CACNG2: variants seen among roughly 807,000 people sequenced by gnomAD.
CACNG2 encodes voltage-dependent calcium channel gamma-2 subunit.
Under a neutral mutation model 25.9 loss-of-function variants are expected in CACNG2, and 3 were observed. The observed-to-expected ratio is 0.12, with a 90% CI of 0.05 to 0.30. The LOEUF (loss-of-function observed/expected upper bound fraction) is 0.30. Ranked by LOEUF, CACNG2 falls within the 10% of genes least tolerant of loss-of-function variation. The probability of loss-of-function intolerance (pLI) is 1.00; values close to 1 mark genes in which losing one functional copy is unlikely to be tolerated. For missense variants in CACNG2, 341 were observed against 432.5 expected (o/e 0.79, Z 1.88); for synonymous variants, 167 against 173.3 (o/e 0.96, Z 0.29).
At chr22:36,613,666 C>G (rs1010008064) in intron 1 of CACNG2, among the ~76,000 whole-genome samples, 2 of 152,076 alleles carry the variant, frequency 1.3e-5, no homozygotes, top group African/African-American at 2.4e-5. Flanking sequence ...TCCGTTTTCA[C>G]TTACATACTG....
intron 1 of CACNG2, among the ~76,000 whole-genome samples, chr22:36,679,202 C>G (rs1396919562): frequency 1.5e-5 from 1 of 66,246 alleles, no homozygotes; most frequent in East Asian, 5.7e-4. Context: ...TCCTTCCTTT[C>G]TTTCTTTCTT....
At chr22:36,660,154 C>G (rs1439068058) in intron 1 of CACNG2, among the ~76,000 whole-genome samples, 5 of 152,270 alleles carry the variant, frequency 3.3e-5, no homozygotes, top group African/African-American at 1.2e-4. Context: ...TTGTCCCTCA[C>G]TAGGCCGTGA....
At chr22:36,675,246 T>C (rs1028655753) in intron 1 of CACNG2, among the ~76,000 whole-genome samples, 3 of 152,136 alleles carry the variant, frequency 2.0e-5, no homozygotes, top group Non-Finnish European at 4.4e-5. Context: ...AGTCTCACTC[T>C]GTTGCCCAGG....
At chr22:36,613,825 C>T (rs1423469644) in intron 1 of CACNG2, among the ~76,000 whole-genome samples, 3 of 152,090 alleles carry the variant, frequency 2.0e-5, no homozygotes, top group Admixed American at 6.5e-5. Context: ...TATGCTGGCT[C>T]AATAATAAAT....
At chr22:36,598,864 A>C (rs539749856) in intron 1 of CACNG2, among the ~76,000 whole-genome samples, 45 of 152,154 alleles carry the variant, frequency 3.0e-4, no homozygotes, top group Admixed American at 2.6e-3. Flanking sequence ...CTGTAGTCCC[A>C]GCTACTCGGG....
chr22:36,585,924 G>C (rs1416576242), intron 2 of CACNG2, among the ~76,000 whole-genome samples: 1 of 152,248 alleles, frequency 6.6e-6, no homozygotes, highest in African/African-American at 2.4e-5. Flanking sequence ...AGCATTCATT[G>C]AGCTGTTATA....
At chr22:36,678,090 C>T (rs746900663) in intron 1 of CACNG2, among the ~76,000 whole-genome samples, 9 of 152,290 alleles carry the variant, frequency 5.9e-5, no homozygotes, top group Non-Finnish European at 1.3e-4. Context: ...GGTATTGAAT[C>T]TGGTGGTATG....
intron 1 of CACNG2, among the ~76,000 whole-genome samples, chr22:36,594,658 C>T (rs1935645189): frequency 6.6e-6 from 1 of 152,118 alleles, no homozygotes; most frequent in South Asian, 2.1e-4. Flanking sequence ...CCTGATGAAG[C>T]AGGGAGGGGT....
Position 36,703,276 on chromosome 22 carries a change from G to T in CACNG2, c.-700C>A. 1 of 155,780 alleles carries T rather than the reference G, an allele frequency of 6.4e-6. No homozygotes were observed. The highest frequency in any genetic ancestry group is 1.9e-4 in the East Asian group (1 of 5,364). 9.6% of individuals were successfully genotyped at this position (155,780 alleles called of 1,614,324 possible). On this transcript the variant is annotated 5_prime_UTR_variant, in exon 1 of 4. Coordinates refer to ENST00000300105, the MANE Select transcript of CACNG2 (RefSeq NM_006078.5). ...GCGGCGGCGGCGGCAGGGCGGGCAGGCGCGGCGGCGGCGGCGGCAGCAGGA... is the reference window on the plus strand; with the variant it reads ...GCGGCGGCGGCGGCAGGGCGGGCAGTCGCGGCGGCGGCGGCGGCAGCAGGA...
chr22:36,600,528 A>T (rs1198671099), intron 1 of CACNG2, among the ~76,000 whole-genome samples: 2 of 150,992 alleles, frequency 1.3e-5, no homozygotes, highest in African/African-American at 4.8e-5. Context: ...AATAGTCTTT[A>T]AAAAAGCTTG....
intron 1 of CACNG2, among the ~76,000 whole-genome samples, chr22:36,663,048 AGAGAG>A (rs1388346624): frequency 6.7e-6 from 1 of 148,826 alleles, no homozygotes; most frequent in African/African-American, 2.5e-5. Context: ...TAAAAAAAAA[AGAGAG>A]AGAGAGAGAC....
At chr22:36,620,454 CT>C (rs776398543) in intron 1 of CACNG2, among the ~76,000 whole-genome samples, 12 of 152,144 alleles carry the variant, frequency 7.9e-5, no homozygotes, top group Non-Finnish European at 1.8e-4. Context: ...GTATTTTTTC[CT>C]TTCCTTCAAA....
intron 1 of CACNG2, among the ~76,000 whole-genome samples, chr22:36,623,566 A>C (rs942844818): frequency 1.3e-5 from 2 of 152,160 alleles, no homozygotes; most frequent in African/African-American, 4.8e-5. Flanking sequence ...CAAGTGAGTT[A>C]GTACAAGAGT....
At chr22:36,686,860 C>T (rs1460199823) in intron 1 of CACNG2, among the ~76,000 whole-genome samples, 1 of 152,202 alleles carries the variant, frequency 6.6e-6, no homozygotes, top group South Asian at 2.1e-4. Flanking sequence ...GTCAACTTCC[C>T]TCTCTCATTT....
chr22:36,638,186 C>T (rs1459233609), intron 1 of CACNG2, among the ~76,000 whole-genome samples: 2 of 152,294 alleles, frequency 1.3e-5, no homozygotes, highest in Middle Eastern at 3.4e-3. Context: ...GCCTATGGCC[C>T]AGGCGACTCC....
intron 1 of CACNG2, among the ~76,000 whole-genome samples, chr22:36,589,624 A>G (rs558606745): frequency 1.1e-4 from 16 of 152,212 alleles, no homozygotes; most frequent in African/African-American, 3.6e-4. Context: ...CCATATCGGG[A>G]CTTCTGGTCG....
At chr22:36,566,981 A>G (rs1935137531) in intron 2 of CACNG2, among the ~76,000 whole-genome samples, 2 of 152,242 alleles carry the variant, frequency 1.3e-5, no homozygotes, top group Non-Finnish European at 2.9e-5. Flanking sequence ...AGGCAAAGTT[A>G]TGAGCTCCCT....
chr22:36,631,344 G>A (rs1368713374), intron 1 of CACNG2, among the ~76,000 whole-genome samples: 1 of 152,146 alleles, frequency 6.6e-6, no homozygotes, highest in African/African-American at 2.4e-5. Context: ...TCCCTGGGGT[G>A]CATGTGACCC....
intron 1 of CACNG2, among the ~76,000 whole-genome samples, chr22:36,642,428 A>G (rs1293021296): frequency 1.3e-5 from 2 of 152,198 alleles, no homozygotes; most frequent in Admixed American, 1.3e-4. Flanking sequence ...GGCTGTGTCA[A>G]AGGGAAGGAT....
Sources: gnomAD v4.1 joint callset for allele counts (sites outside exome capture counted in the v4.1 genomes callset) on GRCh38, gnomAD v4.1.1 for gene constraint, MANE v1.5 for transcripts, NCBI Gene and HGNC (gene_info 2026-07-23, HGNC 2026-07-21) for gene names.